The following DNAI1 variants were observed in gnomAD, a reference collection of about 807,000 sequenced individuals.
DNAI1 encodes dynein axonemal intermediate chain 1, also known as dynein, axonemal, intermediate polypeptide 1.
DNAI1 carries 67 observed loss-of-function variants against 92.0 expected under a neutral mutation model. The ratio of observed to expected loss-of-function variants is 0.73; its 90% confidence interval spans 0.60 to 0.89. The LOEUF is 0.89. DNAI1 is among the 40% of genes least tolerant of loss of function. The pLI is 0.00. For missense variants in DNAI1, 839 were observed against 866.6 expected (o/e 0.97, Z 0.40); for synonymous variants, 323 against 319.6 (o/e 1.01, Z -0.11).
intron 10 of DNAI1, among the ~76,000 whole-genome samples, chr9:34,499,726 A>G (rs1044579458): frequency 2.6e-5 from 4 of 152,210 alleles, no homozygotes; most frequent in African/African-American, 9.6e-5. Flanking sequence ...TTAGACATGG[A>G]AAACGATGTA....
intron 5 of DNAI1, 132 bp from the exon 6 acceptor site, chr9:34,489,880 T>C: frequency 7.2e-7 from 1 of 1,397,272 alleles, no homozygotes; most frequent in Non-Finnish European, 9.8e-7. Flanking sequence ...CTGGTTGTCC[T>C]GAATAGGTCA....
intron 1 of DNAI1, among the ~76,000 whole-genome samples, chr9:34,475,413 A>T (rs1824219055): frequency 6.6e-6 from 1 of 152,204 alleles, no homozygotes; most frequent in African/African-American, 2.4e-5. Context: ...ACTCTTGAGC[A>T]GAGATGTGAG....
chr9:34,480,487 A>C (rs994204661), intron 1 of DNAI1, among the ~76,000 whole-genome samples: 2 of 151,750 alleles, frequency 1.3e-5, no homozygotes, highest in Admixed American at 1.3e-4. Flanking sequence ...CATGTTGACC[A>C]GGCTGGTCTC....
intron 13 of DNAI1, among the ~76,000 whole-genome samples, chr9:34,510,971 T>C (rs1426401121): frequency 6.6e-6 from 1 of 152,190 alleles, no homozygotes; most frequent in Non-Finnish European, 1.5e-5. Flanking sequence ...CCACCAGGCC[T>C]CAGGCTGGCT....
At chr9:34,489,625 G>A (rs1046416388) in intron 5 of DNAI1, among the ~76,000 whole-genome samples, 176 bp downstream of exon 5, 9 of 152,112 alleles carry the variant, frequency 5.9e-5, no homozygotes, top group Non-Finnish European at 8.8e-5. Flanking sequence ...TGAGGCGGGC[G>A]GATCATGAGG....
chr9:34,480,272 CTTT>C (rs202115133), intron 1 of DNAI1, among the ~76,000 whole-genome samples: 4 of 99,440 alleles, frequency 4.0e-5, no homozygotes, highest in South Asian at 6.4e-4. Flanking sequence ...TTTGGTGGAA[CTTT>C]TTTTTTTTTT....
At chr9:34,482,751 C>T (rs541042823) in intron 1 of DNAI1, among the ~76,000 whole-genome samples, 20 of 152,390 alleles carry the variant, frequency 1.3e-4, no homozygotes, top group African/African-American at 3.6e-4. Flanking sequence ...GCCAGTCCTG[C>T]GCCTTGCGCT....
At chr9:34,518,048 A>C (rs1270454594) in intron 19 of DNAI1, among the ~76,000 whole-genome samples, 1 of 152,176 alleles carries the variant, frequency 6.6e-6, no homozygotes, top group Admixed American at 6.5e-5. Context: ...TGGAGCCCAG[A>C]GCGATGACCT....
At position 34,489,260 on chromosome 9, in the gene DNAI1, G is replaced by A. The variant is rs76166198; in HGVS notation, c.262-63G>A. ...TCTTTGATCTTAGAGAATGAAAGCA[G>A]ATTACATTTTGACTCCAGCTCTTTT... On this transcript the variant is annotated intron_variant, in intron 4 of 19. Transcript: ENST00000242317. 4,118 of 1,591,536 alleles carry A rather than the reference G, an allele frequency of 2.6e-3. 66 individuals are homozygous for A. The African/African-American group carries it at 0.043, about 17-fold the overall frequency.
At chr9:34,513,599 C>G (rs1198058900) in intron 16 of DNAI1, among the ~76,000 whole-genome samples, 1 of 152,204 alleles carries the variant, frequency 6.6e-6, no homozygotes, top group Non-Finnish European at 1.5e-5. Context: ...ACCTCACGGT[C>G]AGTTTCTACA....
At chr9:34,512,305 T>C (rs2132081553) in intron 14 of DNAI1, 32 bp from the exon 15 acceptor site, 2 of 1,610,296 alleles carry the variant, frequency 1.2e-6, no homozygotes, top group East Asian at 2.2e-5. Context: ...CCACGTGCCC[T>C]CCCCCCCACA....
rs145913498 is a variant in DNAI1 at position 34,506,788 on chromosome 9, G to A, written c.1225G>A (p.Ala409Thr). 1.1e-5 allele frequency: 17 copies of A among 1,614,156 alleles called. No homozygotes were observed. The African/African-American group carries it at 1.2e-4, about 11-fold the overall frequency. The change falls in exon 13 of 20, where the codon GCC becomes ACC. Residue 409 changes from alanine to threonine, a missense_variant. By Grantham distance (58) the Ala-to-Thr change is moderately conservative. Transcript: ENST00000242317. ...AGTAGGCCACTATGACGGCAACGTG[G>A]CCATTTACAACCTCAAGAAGCCCCA... ...VAVGHYDGNVAIYNLKKPHSQ... is the reference protein window; with the variant it reads ...VAVGHYDGNVTIYNLKKPHSQ...
intron 18 of DNAI1, among the ~76,000 whole-genome samples, chr9:34,516,943 G>A (rs965838604): frequency 6.6e-6 from 1 of 151,848 alleles, no homozygotes; most frequent in Admixed American, 6.6e-5. Context: ...GTTTCACCAT[G>A]TTGGCCAGCC....
intron 1 of DNAI1, among the ~76,000 whole-genome samples, chr9:34,459,500 C>A (rs990749482): frequency 2.0e-5 from 3 of 149,172 alleles, no homozygotes; most frequent in Non-Finnish European, 4.4e-5. Context: ...GGCTAGAATG[C>A]AGTGGCGCCA....
At chr9:34,492,520 A>ATC (rs1564033939) in intron 8 of DNAI1, among the ~76,000 whole-genome samples, 2 of 113,078 alleles carry the variant, frequency 1.8e-5, no homozygotes, top group African/African-American at 6.2e-5. Context: ...ATATATATAT[A>ATC]TATATATATA....
At chr9:34,498,536 G>A (rs1175876123) in intron 10 of DNAI1, among the ~76,000 whole-genome samples, 2 of 152,244 alleles carry the variant, frequency 1.3e-5, no homozygotes, top group Admixed American at 1.3e-4. Context: ...ATGAGTTGAA[G>A]AAAGAGATTG....
At chr9:34,484,162 C>T (rs1481803480) in intron 2 of DNAI1, among the ~76,000 whole-genome samples, 2 of 152,166 alleles carry the variant, frequency 1.3e-5, no homozygotes, top group Non-Finnish European at 2.9e-5. Context: ...TTATAGTGAG[C>T]CGAGATCGTG....
chr9:34,494,852 T>C (rs1201333288), intron 9 of DNAI1, among the ~76,000 whole-genome samples: 2 of 152,054 alleles, frequency 1.3e-5, no homozygotes, highest in African/African-American at 2.4e-5. Flanking sequence ...GTGTGCACCC[T>C]CTCCCCAAGG....
Position 34,500,741 on chromosome 9 carries a change from T to G in DNAI1, c.921T>G (p.Asp307Glu), listed in dbSNP as rs746996706. 2.5e-6 allele frequency: 4 copies of G among 1,613,774 alleles called. No individual in the cohort carries two copies. The East Asian group carries it at 8.9e-5, about 36-fold the overall frequency. Residue 307 changes from aspartate to glutamate, a missense_variant, in exon 11 of 20, where the codon GAT (aspartate) becomes GAG (glutamate). Asp to Glu is a conservative substitution (Grantham distance 45). Transcript: ENST00000242317. ...TTTAAGATTTTAAGTACTATGACGA[T>G]GCTGCTGATGAATACCGGGACCAGG... ...DIAQDFKYYD[D>E]AADEYRDQVG... is the part of the protein sequence containing the mutation.
Sources: allele counts gnomAD v4.1 joint callset (sites outside exome capture counted in the v4.1 genomes callset), GRCh38; gene constraint gnomAD v4.1.1; transcripts MANE v1.5; gene names NCBI Gene and HGNC (gene_info 2026-07-23, HGNC 2026-07-21).